Variants in INSYN2B observed in about 807,000 individuals in gnomAD.
INSYN2B encodes inhibitory synaptic factor family member 2B.
A neutral mutation model predicts 41.2 loss-of-function variants in INSYN2B; 16 were observed. The observed-to-expected ratio is 0.39, with a 90% CI of 0.26 to 0.59. The LOEUF (loss-of-function observed/expected upper bound fraction) is 0.59, where lower values mean the gene tolerates loss of function less well. Among genes scored for constraint, INSYN2B ranks in the 20% least tolerant of loss-of-function variants. INSYN2B has a pLI of 0.57. For missense variants in INSYN2B, 608 were observed against 646.4 expected, an observed-to-expected ratio of 0.94 and a Z score of 0.64; for synonymous variants, 245 against 244.4, an observed-to-expected ratio of 1.00 and a Z score of -0.02.
intron 1 of INSYN2B, among the ~76,000 whole-genome samples, chr5:169,896,297 T>C (rs1228416930): frequency 1.3e-5 from 2 of 152,168 alleles, no homozygotes; most frequent in Non-Finnish European, 2.9e-5. Flanking sequence ...CCGGGACCCC[T>C]TAAATCCCAT....
At chr5:169,889,614 C>T (rs973624260) in intron 1 of INSYN2B, among the ~76,000 whole-genome samples, 11 of 152,194 alleles carry the variant, frequency 7.2e-5, no homozygotes, top group Admixed American at 2.0e-4. Flanking sequence ...CTATCCTTTA[C>T]GCCAGGAGTC....
intron 1 of INSYN2B, among the ~76,000 whole-genome samples, chr5:169,904,559 G>A (rs951086041): frequency 1.3e-5 from 2 of 152,110 alleles, no homozygotes; most frequent in African/African-American, 4.8e-5. Flanking sequence ...GGCCTTTAGA[G>A]TGCTGGCGAC....
intron 1 of INSYN2B, among the ~76,000 whole-genome samples, chr5:169,890,318 G>A (rs544452762): frequency 6.6e-6 from 1 of 152,284 alleles, no homozygotes; most frequent in South Asian, 2.1e-4. Flanking sequence ...GAGTCTTTAA[G>A]GAGCCATTTA....
At chr5:169,925,450 T>A (rs1775389038) in intron 1 of INSYN2B, among the ~76,000 whole-genome samples, 1 of 151,870 alleles carries the variant, frequency 6.6e-6, no homozygotes, top group Non-Finnish European at 1.5e-5. Flanking sequence ...CGTGGTGTTG[T>A]GCACCTGTAA....
intron 1 of INSYN2B, among the ~76,000 whole-genome samples, chr5:169,957,260 G>A (rs1425838003): frequency 6.6e-6 from 1 of 152,222 alleles, no homozygotes; most frequent in Non-Finnish European, 1.5e-5. Context: ...CTGGCCTTTA[G>A]CCAGGGACTT....
At chr5:169,923,111 C>G (rs1174068321) in intron 1 of INSYN2B, among the ~76,000 whole-genome samples, 2 of 152,180 alleles carry the variant, frequency 1.3e-5, no homozygotes, top group Non-Finnish European at 2.9e-5. Flanking sequence ...TGTGCCTAGG[C>G]TCTCAGGCTC....
At chr5:169,912,750 A>G (rs1774674083) in intron 1 of INSYN2B, among the ~76,000 whole-genome samples, 1 of 152,114 alleles carries the variant, frequency 6.6e-6, no homozygotes, top group Non-Finnish European at 1.5e-5. Context: ...AGTTTTTGGT[A>G]AAGAAAGGAG....
chr5:169,965,048 T>C (rs1777243298), intron 1 of INSYN2B, among the ~76,000 whole-genome samples: 1 of 152,228 alleles, frequency 6.6e-6, no homozygotes, highest in Non-Finnish European at 1.5e-5. Context: ...AAACATCTGT[T>C]GAAGCCCTAC....
At chr5:169,866,098 AG>A (rs113186074) in intron 3 of INSYN2B, among the ~76,000 whole-genome samples, 1 of 144,016 alleles carries the variant, frequency 6.9e-6, no homozygotes, top group African/African-American at 2.7e-5. Context: ...CAGAGGGGCG[AG>A]GGGGCCTGTT....
chr5:169,900,313 C>T (rs565534400), intron 1 of INSYN2B, among the ~76,000 whole-genome samples: 3 of 152,302 alleles, frequency 2.0e-5, no homozygotes, highest in African/African-American at 7.2e-5. Flanking sequence ...GCCAGGCTTT[C>T]TATGATGACT....
chr5:169,866,031 G>A (rs748893951), intron 3 of INSYN2B, among the ~76,000 whole-genome samples: 9 of 151,426 alleles, frequency 5.9e-5, no homozygotes, highest in Non-Finnish European at 8.8e-5. Flanking sequence ...AAGAGTCAGA[G>A]GGGCGAGGGG....
chr5:169,862,202 T>C lies in INSYN2B; in HGVS notation c.*2071A>G, dbSNP rs10866641. 0.34 allele frequency among the ~76,000 whole-genome samples: 51,849 copies of C among 152,122 alleles called. 10,337 individuals are homozygous for C. Among genetic ancestry groups the C allele is most frequent in the Admixed American group, 0.44 (6,653 of 15,270 alleles). ...TATAAAGTAGGAAAGCATATGTTCT[T>C]ATCTGTATTCAAGAATGGACAAACA... On this transcript the variant is annotated 3_prime_UTR_variant, in exon 4 of 4. Coordinates refer to ENST00000377365, the MANE Select transcript of INSYN2B (RefSeq NM_001129891.3).
At chr5:169,915,557 A>AAC (rs56728646) in intron 1 of INSYN2B, among the ~76,000 whole-genome samples, 7,640 of 143,384 alleles carry the variant, frequency 0.053, 210 homozygotes, top group South Asian at 0.099. Context: ...ATTGACAGGG[A>AAC]ACACACACAC....
chr5:169,861,498 C>T lies in INSYN2B; in HGVS notation c.*2775G>A, dbSNP rs1455335262. On this transcript the variant is annotated 3_prime_UTR_variant, in exon 4 of 4. Transcript: ENST00000377365. The stretch of plus-strand genomic sequence containing the variant: ...TACAGAGAAAGCAGCTACATAAACT[C>T]CTGCAATTTAAGTTGATGTATTGGT... Among the ~76,000 whole-genome samples the T allele has an allele frequency of 6.6e-6, 1 of 152,144 alleles. No individual in the cohort carries two copies. Among genetic ancestry groups the T allele is most frequent in the African/African-American group, 2.4e-5 (1 of 41,426 alleles).
rs1209439302 is a variant in INSYN2B at position 169,980,267 on chromosome 5, C to T, written c.-919+10G>A. On this transcript the variant is annotated intron_variant, in intron 1 of 3. Coordinates refer to ENST00000377365, the MANE Select transcript of INSYN2B (RefSeq NM_001129891.3). Reference sequence around the variant, plus strand: ...GATCATAAAAAATAAAACCTACCCACATCTCTTACCTTGAAGCAGTGGAAT... The same window carrying T: ...GATCATAAAAAATAAAACCTACCCATATCTCTTACCTTGAAGCAGTGGAAT... The T allele has an allele frequency of 6.6e-6, 1 of 152,212 alleles. No individual in the cohort carries two copies. Among genetic ancestry groups the T allele is most frequent in the East Asian group, 1.9e-4 (1 of 5,196 alleles). 9.4% of individuals were successfully genotyped at this position (152,212 alleles called of 1,614,324 possible).
At chr5:169,872,943 C>T (rs554374152) in intron 3 of INSYN2B, among the ~76,000 whole-genome samples, 1 of 152,174 alleles carries the variant, frequency 6.6e-6, no homozygotes, top group Admixed American at 6.5e-5. Context: ...GGGCAAAATG[C>T]CTAGTGCAGT....
intron 3 of INSYN2B, among the ~76,000 whole-genome samples, chr5:169,876,770 G>T (rs571878592): frequency 9.8e-5 from 15 of 152,328 alleles, no homozygotes; most frequent in African/African-American, 3.4e-4. Flanking sequence ...TCACCCAGGA[G>T]TGGTGGTGTA....
At chr5:169,887,630 G>A (rs1315951635) in intron 1 of INSYN2B, among the ~76,000 whole-genome samples, 1 of 152,158 alleles carries the variant, frequency 6.6e-6, no homozygotes, top group Admixed American at 6.5e-5. Context: ...TAGTATTTTT[G>A]TGGATATTTA....
intron 1 of INSYN2B, among the ~76,000 whole-genome samples, chr5:169,904,667 T>C (rs946119306): frequency 2.0e-5 from 3 of 152,198 alleles, no homozygotes; most frequent in Non-Finnish European, 4.4e-5. Flanking sequence ...TAAGAAGGCT[T>C]CCCATCATTT....
Sources: gnomAD v4.1 joint callset for allele counts (sites outside exome capture counted in the v4.1 genomes callset) on GRCh38, gnomAD v4.1.1 for gene constraint, MANE v1.5 for transcripts, NCBI Gene and HGNC (gene_info 2026-07-23, HGNC 2026-07-21) for gene names.